ANKMY2: variants seen among roughly 807,000 people sequenced by gnomAD.
ANKMY2 encodes ankyrin repeat and MYND domain-containing protein 2.
A neutral mutation model predicts 50.4 loss-of-function variants in ANKMY2; 36 were observed. The ratio of observed to expected loss-of-function variants is 0.71; its 90% CI spans 0.55 to 0.94. ANKMY2 has a LOEUF of 0.94. ANKMY2 is among the 40% of genes least tolerant of loss of function. The pLI is 0.00. For synonymous variants in ANKMY2, 187 were observed against 178.8 expected, an observed-to-expected ratio of 1.05 and a Z score of -0.36; for missense variants, 565 against 524.0, an observed-to-expected ratio of 1.08 and a Z score of -0.76.
intron 2 of ANKMY2, among the ~76,000 whole-genome samples, chr7:16,632,635 T>C (rs542189953): frequency 6.6e-6 from 1 of 152,362 alleles, no homozygotes; most frequent in African/African-American, 2.4e-5. Context: ...TTATACTATA[T>C]TTTGTTGATG....
At chr7:16,641,153 G>C (rs1273019519) in intron 1 of ANKMY2, among the ~76,000 whole-genome samples, 2 of 152,150 alleles carry the variant, frequency 1.3e-5, no homozygotes, top group African/African-American at 4.8e-5. Flanking sequence ...AGAATTGCTT[G>C]AACTTGGGAG....
rs1781335504 is a variant in ANKMY2, at chr7:16,615,782, G to C, written c.493C>G (p.His165Asp). 2 of 1,614,218 alleles carry C rather than the reference G, an allele frequency of 1.2e-6. No homozygotes were observed. The highest frequency in any genetic ancestry group is 1.7e-6 in the Non-Finnish European group (2 of 1,180,030). ...AGATTCGTTGTGGTGATAATTTTGTGCAGCGGGCCTGCCAACTTTGGGGGC... is the reference window on the plus strand; with the variant it reads ...AGATTCGTTGTGGTGATAATTTTGTCCAGCGGGCCTGCCAACTTTGGGGGC... Reference protein sequence around the residue: ...KLPPKLAGPLHKIITTTNLHP... With the variant: ...KLPPKLAGPLDKIITTTNLHP... Residue 165 changes from histidine to aspartate, a missense_variant, in exon 5 of 10, where the codon CAC becomes GAC. Coordinates refer to ENST00000306999, the MANE Select transcript of ANKMY2 (RefSeq NM_020319.3).
rs750492927 is a variant in ANKMY2 at position 16,600,850 on chromosome 7, C to T, written c.1237G>A (p.Gly413Arg). 9.9e-6 allele frequency: 16 copies of T among 1,613,330 alleles called. No individual in the cohort carries two copies. The highest frequency in any genetic ancestry group is 3.3e-4 in the Middle Eastern group (2 of 6,080). Residue 413 changes from glycine to arginine, a missense_variant, in exon 10 of 10, where the codon GGG becomes AGG. Gly to Arg is a moderately radical substitution (Grantham distance 125). Coordinates refer to ENST00000306999, the MANE Select transcript of ANKMY2 (RefSeq NM_020319.3). The stretch of plus-strand genomic sequence containing the variant: ...TCAAGAGATTCTTTCTTTCCTTCCC[C>T]GGAATCTTCAGGATTGGAATCCTTT... ...SQKDSNPEDSGEGKKESLESE... is the reference protein window; with the variant it reads ...SQKDSNPEDSREGKKESLESE...
At chr7:16,613,396 T>A (rs1467567594) in intron 5 of ANKMY2, among the ~76,000 whole-genome samples, 1 of 152,002 alleles carries the variant, frequency 6.6e-6, no homozygotes, top group African/African-American at 2.4e-5. Context: ...GGTAGAGCAA[T>A]AAAAATGGGC....
At chr7:16,626,229 C>T (rs1160305608) in intron 3 of ANKMY2, among the ~76,000 whole-genome samples, 1 of 152,148 alleles carries the variant, frequency 6.6e-6, no homozygotes, top group Non-Finnish European at 1.5e-5. Flanking sequence ...ATCAGCCCGC[C>T]TTGGCCTCCC....
chr7:16,624,894 A>G (rs1239883094), intron 4 of ANKMY2, 89 bp downstream of exon 4: 5 of 1,110,400 alleles, frequency 4.5e-6, no homozygotes, highest in East Asian at 4.8e-5. Context: ...CAACATGATA[A>G]TATTTTCACC....
intron 2 of ANKMY2, among the ~76,000 whole-genome samples, chr7:16,628,784 G>C (rs1009421010): frequency 1.8e-4 from 27 of 152,066 alleles, no homozygotes; most frequent in African/African-American, 6.3e-4. Context: ...TCATCATGGA[G>C]TTTGTTTTTT....
Position 16,609,656 on chromosome 7 carries a change from C to G in ANKMY2, c.856G>C (p.Val286Leu). The change falls in exon 7 of 10, where the codon GTT becomes CTT. Residue 286 changes from valine to leucine, a missense_variant. By Grantham distance (32) the Val-to-Leu change is conservative. Coordinates refer to ENST00000306999, the MANE Select transcript of ANKMY2 (RefSeq NM_020319.3). ...YCEATLLQQL[V>L]RSIAPVEIGS... ...ATTTCAACAGGAGCAATGCTTCGAA[C>G]CAGCTGCTGGAGGAGTGTAGCTTCA... The G allele has an allele frequency of 6.2e-7, 1 of 1,609,432 alleles. No homozygotes were observed. The highest frequency in any genetic ancestry group is 8.5e-7 in the Non-Finnish European group (1 of 1,178,576).
chr7:16,600,917 A>G lies in ANKMY2; in HGVS notation c.1170T>C (p.Cys390=), dbSNP rs1781050038. The G allele has an allele frequency of 1.2e-6, 2 of 1,607,278 alleles. No individual in the cohort carries two copies. The highest frequency in any genetic ancestry group is 3.4e-5 in the Admixed American group (2 of 58,292). ...CAGCCTCTGGTTGCTCTTCATTAAC[A>G]CAGTTAGAATTGACATCAAGTTTGC... ...NHGKLDVNSN[C]VNEEQPEAEV... The change falls in exon 10 of 10, where the codon TGT becomes TGC. Residue 390 remains cysteine, a synonymous_variant. Transcript: ENST00000306999.
At chr7:16,609,441 A>C (rs909880936) in intron 7 of ANKMY2, among the ~76,000 whole-genome samples, 189 bp downstream of exon 7, 1 of 152,242 alleles carries the variant, frequency 6.6e-6, no homozygotes, top group African/African-American at 2.4e-5. Flanking sequence ...TAATAAGGTA[A>C]GAAGAGGATC....
rs562185498 is a variant in ANKMY2, at chr7:16,617,108, T to C, written c.371-1204A>G. Among the ~76,000 whole-genome samples, 10 of 152,316 alleles carry C rather than the reference T, an allele frequency of 6.6e-5. No individual in the cohort carries two copies. The East Asian group carries it at 1.7e-3, about 26-fold the overall frequency. The stretch of plus-strand genomic sequence containing the variant: ...TTTTTTATGGGAACACCTATCTTTT[T>C]ATTGAAGCTCGATGTAGATTTTGTT... On this transcript the variant is annotated intron_variant, in intron 4 of 9. Coordinates refer to ENST00000306999, the MANE Select transcript of ANKMY2 (RefSeq NM_020319.3).
intron 4 of ANKMY2, among the ~76,000 whole-genome samples, chr7:16,621,617 G>A (rs1384679011): frequency 6.6e-6 from 1 of 152,142 alleles, no homozygotes; most frequent in Admixed American, 6.5e-5. Context: ...TCCTGGTCAA[G>A]AGGCCCACTT....
intron 4 of ANKMY2, among the ~76,000 whole-genome samples, chr7:16,619,052 G>A (rs1215939071): frequency 6.6e-6 from 1 of 152,022 alleles, no homozygotes; most frequent in Non-Finnish European, 1.5e-5. Context: ...CCTCCAACTA[G>A]TACAATTAGG....
intron 2 of ANKMY2, among the ~76,000 whole-genome samples, chr7:16,635,210 G>C (rs915335532): frequency 2.6e-5 from 4 of 152,124 alleles, no homozygotes; most frequent in Non-Finnish European, 5.9e-5. Flanking sequence ...GCTACAGCAT[G>C]GGTGAATCTC....
At chr7:16,643,738 G>A (rs749979966) in intron 1 of ANKMY2, among the ~76,000 whole-genome samples, 1 of 151,706 alleles carries the variant, frequency 6.6e-6, no homozygotes, top group Admixed American at 6.5e-5. Context: ...CACATGATGG[G>A]CCAGGCCCAG....
Position 16,610,641 on chromosome 7 carries a change from C to G in ANKMY2, c.654G>C (p.Leu218Phe), listed in dbSNP as rs1272919239. ...CMKQRDMNEV[L>F]AMKMHYISCI... The stretch of plus-strand genomic sequence containing the variant: ...AGCTTATGTAATGCATCTTCATAGC[C>G]AATACTTCATTCATGTCTCTTTGCT... Residue 218 changes from leucine to phenylalanine, a missense_variant, in exon 6 of 10, where the codon TTG (leucine) becomes TTC (phenylalanine). By Grantham distance (22) the Leu-to-Phe change is conservative. Coordinates refer to ENST00000306999, the MANE Select transcript of ANKMY2 (RefSeq NM_020319.3). 3 of 1,613,942 alleles carry G rather than the reference C, an allele frequency of 1.9e-6. No homozygotes were observed. The highest frequency in any genetic ancestry group is 1.1e-5 in the South Asian group (1 of 91,074).
chr7:16,615,655 C>A, intron 5 of ANKMY2, 89 bp downstream of exon 5: 1 of 1,541,022 alleles, frequency 6.5e-7, no homozygotes, highest in South Asian at 1.2e-5. Flanking sequence ...AAACCCACCC[C>A]AAGACAATTA....
intron 1 of ANKMY2, among the ~76,000 whole-genome samples, chr7:16,638,394 C>A (rs899398246): frequency 6.6e-6 from 1 of 152,178 alleles, no homozygotes; most frequent in Non-Finnish European, 1.5e-5. Flanking sequence ...ACACTACTTA[C>A]ATTTACCCAT....
intron 1 of ANKMY2, among the ~76,000 whole-genome samples, chr7:16,641,844 G>T (rs1781750037): frequency 6.6e-6 from 1 of 152,182 alleles, no homozygotes; most frequent in African/African-American, 2.4e-5. Context: ...TTCTAGAATA[G>T]AGAAATCTAA....
Sources: gnomAD v4.1 joint callset for allele counts (sites outside exome capture counted in the v4.1 genomes callset) on GRCh38, gnomAD v4.1.1 for gene constraint, MANE v1.5 for transcripts, NCBI Gene and HGNC (gene_info 2026-07-23, HGNC 2026-07-21) for gene names.